The following EYS variants were observed in gnomAD, a reference collection of about 807,000 sequenced individuals.
EYS encodes protein eyes shut homolog.
Under a neutral mutation model 282.1 loss-of-function variants are expected in EYS, and 250 were observed. That is an observed-to-expected ratio of 0.89 (90% CI 0.80 to 0.98). EYS has a LOEUF of 0.98. EYS is among the 50% of genes least tolerant of loss of function. The pLI is 0.00. For synonymous variants in EYS, 1,355 were observed against 1,282.9 expected, an observed-to-expected ratio of 1.06 and a Z score of -1.20; for missense variants, 4,016 against 3,709.0, an observed-to-expected ratio of 1.08 and a Z score of -2.15.
intron 31 of EYS, among the ~76,000 whole-genome samples, chr6:64,169,431 G>GTTTTTTTTTTTTTGTTTTT (rs1764409114): frequency 7.1e-6 from 1 of 140,984 alleles, no homozygotes; most frequent in African/African-American, 2.7e-5. Context: ...TTGAGGAGGA[G>GTTTTTTTTTTTTTGTTTTT]TTTTTTTTTT....
Position 65,516,025 on chromosome 6 carries a change from A to T in EYS, c.-332-20032T>A, listed in dbSNP as rs1407748955. ...TGTAATCCACATCCCCTAGGCACAT[A>T]TTAAGACTGAAAAATATTTATAGAA... On this transcript the variant is annotated intron_variant, in intron 2 of 42. Transcript: ENST00000503581. 2.6e-5 allele frequency among the ~76,000 whole-genome samples: 4 copies of T among 152,038 alleles called. No individual in the cohort carries two copies. In the East Asian group the frequency reaches 7.7e-4, roughly 29 times the overall value.
rs144638956 is a variant in EYS at position 64,932,761 on chromosome 6, G to A, written c.2381+13032C>T. ...AGTCCTTTAGTAAAGGCTGGAAGAT[G>A]TTTTAGTTCCAAAAATCTAAGAAAA... On this transcript the variant is annotated intron_variant, in intron 15 of 42. Transcript: ENST00000503581. Among the ~76,000 whole-genome samples the A allele has an allele frequency of 1.5e-4, 23 of 152,074 alleles. No homozygotes were observed. In the Middle Eastern group the frequency reaches 0.02, roughly 135 times the overall value.
intron 1 of EYS, among the ~76,000 whole-genome samples, chr6:65,651,661 G>A (rs1409898881): frequency 2.6e-5 from 4 of 151,878 alleles, no homozygotes; most frequent in African/African-American, 9.7e-5. Flanking sequence ...CTAGAATCTT[G>A]GAAGTCTTAC....
chr6:64,845,644 C>A (rs572799998), intron 19 of EYS, among the ~76,000 whole-genome samples: 2 of 152,108 alleles, frequency 1.3e-5, no homozygotes, highest in South Asian at 2.1e-4. Context: ...AGGTAACTCA[C>A]GAAAATTCAT....
chr6:65,500,959 C>A (rs999736496), intron 2 of EYS, among the ~76,000 whole-genome samples: 1 of 151,856 alleles, frequency 6.6e-6, no homozygotes, highest in East Asian at 1.9e-4. Flanking sequence ...CATCACTCAG[C>A]TACTTACAAA....
intron 19 of EYS, among the ~76,000 whole-genome samples, chr6:64,844,093 C>T (rs1434229890): frequency 6.6e-6 from 1 of 151,998 alleles, no homozygotes; most frequent in Non-Finnish European, 1.5e-5. Context: ...TGAGGCCTTC[C>T]CAACCATGTG....
intron 31 of EYS, among the ~76,000 whole-genome samples, chr6:64,113,340 TATATG>T (rs1206273291): frequency 4.5e-4 from 68 of 152,278 alleles, no homozygotes; most frequent in African/African-American, 1.6e-3. Context: ...TCAGATCTGT[TATATG>T]ATAGCTGTGG....
intron 29 of EYS, among the ~76,000 whole-genome samples, chr6:64,311,874 C>G (rs547923328): frequency 6.6e-6 from 1 of 152,020 alleles, no homozygotes; most frequent in African/African-American, 2.4e-5. Flanking sequence ...TCTTCACAAC[C>G]GGCAGACCAG....
intron 19 of EYS, among the ~76,000 whole-genome samples, chr6:64,866,254 G>A (rs1766421945): frequency 6.6e-6 from 1 of 151,826 alleles, no homozygotes; most frequent in African/African-American, 2.4e-5. Flanking sequence ...TCACTTTAAA[G>A]AAAATTGCCT....
At chr6:64,644,070 A>T (rs1640204028) in intron 22 of EYS, among the ~76,000 whole-genome samples, 1 of 152,202 alleles carries the variant, frequency 6.6e-6, no homozygotes, top group Admixed American at 6.5e-5. Context: ...GTTTTCTTAT[A>T]TGACCTGATT....
chr6:64,323,538 C>G (rs781365009), intron 29 of EYS, among the ~76,000 whole-genome samples: 8 of 152,104 alleles, frequency 5.3e-5, no homozygotes, highest in Admixed American at 3.9e-4. Context: ...TATGAGTCAT[C>G]CAATAAATTT....
chr6:64,043,765 G>A (rs1407238737), intron 33 of EYS, among the ~76,000 whole-genome samples: 1 of 152,168 alleles, frequency 6.6e-6, no homozygotes, highest in Non-Finnish European at 1.5e-5. Context: ...TCATTTGGAG[G>A]TCAAATCTAA....
At chr6:65,537,306 C>A (rs187838197) in intron 2 of EYS, among the ~76,000 whole-genome samples, 124 of 152,168 alleles carry the variant, frequency 8.1e-4, no homozygotes, top group Non-Finnish European at 1.4e-3. Context: ...TGTAACAAAC[C>A]TCCAAGTTCT....
rs557019857 is a variant in EYS, at chr6:64,312,050, G to A, written c.6079-4968C>T. Among the ~76,000 whole-genome samples, 15 of 150,238 alleles carry A rather than the reference G, an allele frequency of 1.0e-4. No homozygotes were observed. In the East Asian group the frequency reaches 2.6e-3, roughly 26 times the overall value. On this transcript the variant is annotated intron_variant, in intron 29 of 42. Transcript: ENST00000503581. ...AAGGAAGCATTCACTCCCCTGCAAA[G>A]GGGCCTGAAACCAGGGAGTCAAGTG... is the stretch of plus-strand genomic sequence containing the variant.
intron 35 of EYS, among the ~76,000 whole-genome samples, chr6:63,872,477 GTT>G (rs3041455): frequency 1.7e-5 from 2 of 119,366 alleles, no homozygotes; most frequent in Non-Finnish European, 1.6e-5. Flanking sequence ...CCTAAATATG[GTT>G]TTTTTTTTTT....
At chr6:64,644,926 G>A (rs967997534) in intron 22 of EYS, among the ~76,000 whole-genome samples, 51 of 152,256 alleles carry the variant, frequency 3.3e-4, no homozygotes, top group African/African-American at 1.1e-3. Context: ...GCATCAGCAT[G>A]TCAGCTTCCT....
chr6:65,656,173 G>A lies in EYS; in HGVS notation c.-447-16281C>T, dbSNP rs184511389. Among the ~76,000 whole-genome samples the A allele has an allele frequency of 1.5e-3, 231 of 151,738 alleles. 1 individual carries two copies. Among genetic ancestry groups the A allele is most frequent in the African/African-American group, 5.5e-3 (228 of 41,432 alleles). On this transcript the variant is annotated intron_variant, in intron 1 of 42. Coordinates refer to ENST00000503581, the MANE Select transcript of EYS (RefSeq NM_001142800.2). ...ACTGGCGATTCCCTCTTTCCTCCCC[G>A]TCTCCTCAGTCTCTCTATTCTTTGA...
chr6:64,523,199 A>G (rs1777812476), intron 26 of EYS, among the ~76,000 whole-genome samples: 1 of 151,760 alleles, frequency 6.6e-6, no homozygotes, highest in African/African-American at 2.4e-5. Flanking sequence ...ATTAAAACCA[A>G]TGTGCTCAGA....
intron 40 of EYS, 55 bp downstream of exon 40, chr6:63,777,951 A>G (rs1770106238): frequency 2.1e-6 from 3 of 1,438,326 alleles, no homozygotes; most frequent in Non-Finnish European, 1.9e-6. Context: ...AGAGTGGAGT[A>G]CCAGTTAGAG....
Sources: allele counts gnomAD v4.1 joint callset (sites outside exome capture counted in the v4.1 genomes callset), GRCh38; gene constraint gnomAD v4.1.1; transcripts MANE v1.5; gene names NCBI Gene and HGNC (gene_info 2026-07-23, HGNC 2026-07-21).